FUT9: variants seen among roughly 807,000 people sequenced by gnomAD.
FUT9 encodes the protein fucosyltransferase 9, also known as 4-galactosyl-N-acetylglucosaminide 3-alpha-L-fucosyltransferase 9.
FUT9 carries 15 observed loss-of-function variants against 29.7 expected under a neutral mutation model. The observed-to-expected ratio is 0.51, with a 90% CI of 0.34 to 0.78. The LOEUF (loss-of-function observed/expected upper bound fraction) is 0.78. Ranked by LOEUF, FUT9 falls within the 30% of genes least tolerant of loss-of-function variation. The pLI, the probability that FUT9 is intolerant of heterozygous loss-of-function variation, is 0.01. For missense variants in FUT9, 319 were observed against 425.4 expected, an observed-to-expected ratio of 0.75 and a Z score of 2.20; for synonymous variants, 169 against 153.7, an observed-to-expected ratio of 1.10 and a Z score of -0.74.
intron 1 of FUT9, among the ~76,000 whole-genome samples, chr6:96,030,917 G>A (rs977210090): frequency 6.6e-6 from 1 of 151,484 alleles, no homozygotes; most frequent in Non-Finnish European, 1.5e-5. Context: ...CAGTGGTTTC[G>A]AAGGGTTAGG....
At chr6:96,090,465 T>C (rs1429789272) in intron 1 of FUT9, among the ~76,000 whole-genome samples, 8 of 151,842 alleles carry the variant, frequency 5.3e-5, no homozygotes, top group Non-Finnish European at 8.8e-5. Context: ...AGGAAATAAT[T>C]ATATCAACTC....
intron 1 of FUT9, among the ~76,000 whole-genome samples, chr6:96,080,261 A>T (rs527633699): frequency 1.3e-5 from 2 of 151,946 alleles, no homozygotes; most frequent in Non-Finnish European, 2.9e-5. Flanking sequence ...AATTTTTTCA[A>T]TGGTTATTTG....
intron 1 of FUT9, among the ~76,000 whole-genome samples, chr6:96,040,285 C>G (rs1770437633): frequency 6.6e-6 from 1 of 152,114 alleles, no homozygotes; most frequent in Non-Finnish European, 1.5e-5. Flanking sequence ...AATTTCAACT[C>G]AGGCCTACAA....
intron 1 of FUT9, among the ~76,000 whole-genome samples, chr6:96,096,689 T>TGTGTGTGTGTGTGTGTGTGG (rs1771501703): frequency 6.6e-6 from 1 of 151,168 alleles, no homozygotes; most frequent in Non-Finnish European, 1.5e-5. Context: ...AAGGCATGTG[T>TGTGTGTGTGTGTGTGTGTGG]GTGTGTGTGT....
At chr6:96,025,983 C>T (rs1333581435) in intron 1 of FUT9, among the ~76,000 whole-genome samples, 2 of 151,658 alleles carry the variant, frequency 1.3e-5, no homozygotes, top group Admixed American at 6.6e-5. Flanking sequence ...GAAGTATACA[C>T]ATTACAAACA....
intron 1 of FUT9, among the ~76,000 whole-genome samples, chr6:96,045,655 C>T (rs985786541): frequency 1.3e-5 from 2 of 152,046 alleles, no homozygotes; most frequent in East Asian, 1.9e-4. Flanking sequence ...GGGAGTAGCC[C>T]CTGCATGTGA....
At chr6:96,193,815 A>G (rs187025218) in intron 2 of FUT9, among the ~76,000 whole-genome samples, 2 of 152,200 alleles carry the variant, frequency 1.3e-5, no homozygotes, top group Admixed American at 1.3e-4. Context: ...AATGTTGATC[A>G]ATGATAGACT....
intron 2 of FUT9, among the ~76,000 whole-genome samples, chr6:96,117,378 A>G (rs1310115228): frequency 2.0e-5 from 3 of 152,202 alleles, no homozygotes; most frequent in African/African-American, 7.2e-5. Flanking sequence ...TTGTGAATCT[A>G]TTTTTATTTT....
chr6:96,146,002 G>A (rs1772560660), intron 2 of FUT9, among the ~76,000 whole-genome samples: 1 of 151,950 alleles, frequency 6.6e-6, no homozygotes, highest in Non-Finnish European at 1.5e-5. Context: ...ACAGGCATAT[G>A]ACACCATCCC....
chr6:96,163,618 G>T (rs1772954649), intron 2 of FUT9, among the ~76,000 whole-genome samples: 1 of 151,318 alleles, frequency 6.6e-6, no homozygotes, highest in African/African-American at 2.4e-5. Flanking sequence ...CTATAAATTA[G>T]TTCTGACCAT....
At chr6:96,058,533 C>CATTAGGT in intron 1 of FUT9, among the ~76,000 whole-genome samples, 1 of 147,014 alleles carries the variant, frequency 6.8e-6, no homozygotes, top group Non-Finnish European at 1.5e-5. Context: ...TTTGGAAATC[C>CATTAGGT]CTTTGAAGAC....
intron 1 of FUT9, among the ~76,000 whole-genome samples, chr6:96,077,388 A>G (rs1202265501): frequency 6.6e-6 from 1 of 152,170 alleles, no homozygotes; most frequent in Non-Finnish European, 1.5e-5. Flanking sequence ...CTTGGAGTTA[A>G]TAATTTCTTT....
intron 2 of FUT9, among the ~76,000 whole-genome samples, chr6:96,175,044 C>T (rs1424826757): frequency 6.6e-6 from 1 of 151,526 alleles, no homozygotes; most frequent in Non-Finnish European, 1.5e-5. Flanking sequence ...ATTCCGATCA[C>T]GATTTTACCT....
At chr6:96,103,662 C>A (rs1771627832) in intron 1 of FUT9, among the ~76,000 whole-genome samples, 3 of 152,140 alleles carry the variant, frequency 2.0e-5, no homozygotes, top group Admixed American at 1.3e-4. Context: ...TAATAGACTT[C>A]TTTCTGTGAG....
chr6:96,175,279 C>T (rs926978600), intron 2 of FUT9, among the ~76,000 whole-genome samples: 1 of 152,160 alleles, frequency 6.6e-6, no homozygotes, highest in South Asian at 2.1e-4. Context: ...CCGTCACCTG[C>T]TTCTCCTTCC....
At chr6:96,129,089 C>G (rs1376103829) in intron 2 of FUT9, among the ~76,000 whole-genome samples, 2 of 135,506 alleles carry the variant, frequency 1.5e-5, no homozygotes, top group Non-Finnish European at 3.3e-5. Flanking sequence ...AACCCTGTCT[C>G]TACTAAAAAT....
At chr6:96,109,583 T>C (rs1008507537) in intron 1 of FUT9, among the ~76,000 whole-genome samples, 6 of 152,218 alleles carry the variant, frequency 3.9e-5, no homozygotes, top group Admixed American at 3.9e-4. Flanking sequence ...ACCATACTAA[T>C]GAATTGGATT....
chr6:96,124,818 A>C (rs2127966505), intron 2 of FUT9, among the ~76,000 whole-genome samples: 1 of 152,280 alleles, frequency 6.6e-6, no homozygotes, highest in East Asian at 1.9e-4. Flanking sequence ...CTTTTGGCTA[A>C]ACTTTCCAAA....
intron 2 of FUT9, among the ~76,000 whole-genome samples, chr6:96,167,611 G>A (rs142736631): frequency 6.6e-6 from 1 of 152,270 alleles, no homozygotes; most frequent in African/African-American, 2.4e-5. Context: ...TCCTCTTGTA[G>A]TTTCTATTTT....
Sources: allele counts gnomAD v4.1 joint callset (sites outside exome capture counted in the v4.1 genomes callset), GRCh38; gene constraint gnomAD v4.1.1; transcripts MANE v1.5; gene names NCBI Gene and HGNC (gene_info 2026-07-23, HGNC 2026-07-21).